SHANK2: variants seen among roughly 807,000 people sequenced by gnomAD.
SHANK2 encodes SH3 and multiple ankyrin repeat domains 2.
Under a neutral mutation model 133.7 loss-of-function variants are expected in SHANK2, and 43 were observed. That is an observed-to-expected ratio of 0.32 (90% CI 0.25 to 0.41). The LOEUF (loss-of-function observed/expected upper bound fraction) is 0.41. Ranked by LOEUF, SHANK2 falls within the 10% of genes least tolerant of loss-of-function variation. The pLI is 1.00. For synonymous variants in SHANK2, 1,017 were observed against 952.8 expected, an observed-to-expected ratio of 1.07 and a Z score of -1.24; for missense variants, 1,994 against 2,235.8, an observed-to-expected ratio of 0.89 and a Z score of 2.18.
chr11:71,157,350 AC>A (rs1247822189), intron 2 of SHANK2, among the ~76,000 whole-genome samples: 1 of 152,218 alleles, frequency 6.6e-6, no homozygotes, highest in Non-Finnish European at 1.5e-5. Flanking sequence ...GCAATGCCTC[AC>A]TGGTGTGTTC....
chr11:70,594,095 C>T (rs920948085), intron 17 of SHANK2, among the ~76,000 whole-genome samples: 1 of 152,170 alleles, frequency 6.6e-6, no homozygotes, highest in East Asian at 1.9e-4. Flanking sequence ...GCTGCTTGCT[C>T]ACATCAATTC....
chr11:71,168,643 C>A (rs1349129252), intron 2 of SHANK2, among the ~76,000 whole-genome samples: 2 of 152,174 alleles, frequency 1.3e-5, no homozygotes, highest in African/African-American at 4.8e-5. Context: ...GCCAACACAG[C>A]GAAACCCTGT....
intron 10 of SHANK2, among the ~76,000 whole-genome samples, chr11:70,903,860 C>G (rs1268497245): frequency 1.3e-5 from 2 of 152,212 alleles, no homozygotes; most frequent in East Asian, 3.8e-4. Flanking sequence ...GAAAATGCCA[C>G]CTGCACATCT....
chr11:70,753,812 G>C (rs12276000), intron 14 of SHANK2, among the ~76,000 whole-genome samples: 14,833 of 58,236 alleles, frequency 0.25, 1,018 homozygotes, highest in South Asian at 0.46. Flanking sequence ...AAGATATTAA[G>C]TGTGTGTGTG....
chr11:71,075,290 C>A lies in SHANK2; in HGVS notation c.913-15G>T. The A allele has an allele frequency of 5.3e-6, 1 of 190,452 alleles. No individual in the cohort carries two copies. The highest frequency in any genetic ancestry group is 5.7e-5 in the Admixed American group (1 of 17,528). 11.8% of individuals were successfully genotyped at this position (190,452 alleles called of 1,614,324 possible). ...TACCTGCAGGCCTGAAACACAGAAC[C>A]CAGGCTGTGAATCAGGAACCCTCCG... On this transcript the variant is annotated splice_polypyrimidine_tract_variant and intron_variant, in intron 8 of 25. Coordinates refer to ENST00000601538, the MANE Select transcript of SHANK2 (RefSeq NM_012309.5).
In SHANK2 at chr11:71,142,737, A is replaced by AG. The variant is rs571283656; in HGVS notation, c.207+4382dup. 3.0e-3 allele frequency among the ~76,000 whole-genome samples: 459 copies of AG among 152,250 alleles called. 1 individual carries two copies. The highest frequency in any genetic ancestry group is 0.011 in the African/African-American group (443 of 41,554). Reference sequence around the variant, plus strand: ...GAATCTGCAGAGAGAAAGTTTTTCTAGGAAAAACCAAGAATGCCCAACACC... The same window carrying AG: ...GAATCTGCAGAGAGAAAGTTTTTCTAGGGAAAAACCAAGAATGCCCAACACC... On this transcript the variant is annotated intron_variant, in intron 3 of 25. Transcript: ENST00000601538.
intron 2 of SHANK2, among the ~76,000 whole-genome samples, chr11:71,223,892 TG>T (rs1954598593): frequency 6.6e-6 from 1 of 151,984 alleles, no homozygotes; most frequent in Non-Finnish European, 1.5e-5. Context: ...ATGGGCACGT[TG>T]GTGAGGATAG....
At chr11:70,517,543 C>T (rs1021733415) in intron 17 of SHANK2, among the ~76,000 whole-genome samples, 4 of 152,162 alleles carry the variant, frequency 2.6e-5, no homozygotes, top group Non-Finnish European at 5.9e-5. Flanking sequence ...AAGAAATGAG[C>T]TACCAAGCCA....
At chr11:70,949,737 G>A (rs1390356337) in intron 10 of SHANK2, among the ~76,000 whole-genome samples, 3 of 152,198 alleles carry the variant, frequency 2.0e-5, no homozygotes, top group Non-Finnish European at 4.4e-5. Context: ...GCCTCCCTGG[G>A]CCCCCGTGGC....
At chr11:70,648,778 G>A (rs942595424) in intron 17 of SHANK2, among the ~76,000 whole-genome samples, 4 of 152,186 alleles carry the variant, frequency 2.6e-5, no homozygotes, top group African/African-American at 9.7e-5. Context: ...GGAGGAAGGA[G>A]ACCCTTGTCC....
intron 17 of SHANK2, among the ~76,000 whole-genome samples, chr11:70,534,767 C>T (rs1318060321): frequency 1.3e-5 from 2 of 152,176 alleles, no homozygotes; most frequent in African/African-American, 2.4e-5. Context: ...GTTCAGGTGA[C>T]GCTTCAGACA....
At chr11:70,785,235 G>A (rs183182637) in intron 14 of SHANK2, among the ~76,000 whole-genome samples, 1 of 152,218 alleles carries the variant, frequency 6.6e-6, no homozygotes, top group East Asian at 1.9e-4. Flanking sequence ...GGGCGCCTGG[G>A]CCCCCTCCTA....
intron 17 of SHANK2, among the ~76,000 whole-genome samples, chr11:70,612,891 C>T (rs964450263): frequency 1.3e-5 from 2 of 152,224 alleles, no homozygotes; most frequent in African/African-American, 4.8e-5. Context: ...GAGATTCACG[C>T]GCCTTGATGA....
Position 71,204,277 on chromosome 11 carries a change from G to A in SHANK2, c.-13+20420C>T, listed in dbSNP as rs184224119. Among the ~76,000 whole-genome samples, 38 of 152,320 alleles carry A rather than the reference G, an allele frequency of 2.5e-4. No homozygotes were observed. In the South Asian group the frequency reaches 7.0e-3, roughly 28 times the overall value. On this transcript the variant is annotated intron_variant, in intron 2 of 25. Coordinates refer to ENST00000601538, the MANE Select transcript of SHANK2 (RefSeq NM_012309.5). ...TCCATGGAAATGATCTGGAAGGGGC[G>A]TGCTCACATGGTAACTGCGGCACCA...
intron 3 of SHANK2, among the ~76,000 whole-genome samples, chr11:71,138,544 C>T (rs191347782): frequency 1.6e-4 from 24 of 152,076 alleles, no homozygotes; most frequent in East Asian, 1.2e-3. Context: ...CGGCCGGGCG[C>T]GGTGGTTCAC....
rs139391193 is a variant in SHANK2, at chr11:70,637,210, T to C, written c.2061+22618A>G. 3.0e-3 allele frequency among the ~76,000 whole-genome samples: 463 copies of C among 152,252 alleles called. 5 individuals carry two copies. Among genetic ancestry groups the C allele is most frequent in the Non-Finnish European group, 5.5e-3 (375 of 68,002 alleles). On this transcript the variant is annotated intron_variant, in intron 17 of 25. Transcript: ENST00000601538. ...CACAGCCTCCAGTTATGGAGCCTGTTGACCCACATAGTGCCTGTCAATCTG... is the reference window on the plus strand; with the variant it reads ...CACAGCCTCCAGTTATGGAGCCTGTCGACCCACATAGTGCCTGTCAATCTG...
chr11:70,660,770 A>G (rs1385348919), intron 16 of SHANK2, among the ~76,000 whole-genome samples: 2 of 152,136 alleles, frequency 1.3e-5, no homozygotes, highest in African/African-American at 4.8e-5. Context: ...ACAGCTCGCT[A>G]TGGAGCTGCC....
chr11:70,514,596 A>C (rs2059243319), intron 17 of SHANK2, among the ~76,000 whole-genome samples: 1 of 152,256 alleles, frequency 6.6e-6, no homozygotes, highest in Admixed American at 6.5e-5. Flanking sequence ...GGAGTGAAGA[A>C]GATGCATCTA....
chr11:70,899,426 T>A (rs1356351796), intron 10 of SHANK2, among the ~76,000 whole-genome samples: 1 of 152,208 alleles, frequency 6.6e-6, no homozygotes, highest in Non-Finnish European at 1.5e-5. Flanking sequence ...TTAAACCTCT[T>A]TTCTTTATAA....
Sources: gnomAD v4.1 joint callset for allele counts (sites outside exome capture counted in the v4.1 genomes callset) on GRCh38, gnomAD v4.1.1 for gene constraint, MANE v1.5 for transcripts, NCBI Gene and HGNC (gene_info 2026-07-23, HGNC 2026-07-21) for gene names.